Variants in RNF121 observed in about 807,000 individuals in gnomAD.
RNF121 encodes the protein ring finger protein 121.
Under a neutral mutation model 46.5 loss-of-function variants are expected in RNF121, and 21 were observed. That is an observed-to-expected ratio of 0.45 (90% CI 0.32 to 0.65). RNF121 has a LOEUF of 0.65. Ranked by LOEUF, RNF121 falls within the 30% of genes least tolerant of loss-of-function variation. RNF121 has a pLI of 0.04. For synonymous variants in RNF121, 139 were observed against 144.7 expected (o/e 0.96, Z 0.28); for missense variants, 346 against 416.0 (o/e 0.83, Z 1.46).
chr11:71,969,093 G>A (rs1954361108), intron 3 of RNF121, among the ~76,000 whole-genome samples: 1 of 151,834 alleles, frequency 6.6e-6, no homozygotes. Context: ...CACCATGTTG[G>A]TCAGGCTGGT....
At chr11:71,992,052 C>T (rs1048258019) in intron 6 of RNF121, among the ~76,000 whole-genome samples, 8 of 152,070 alleles carry the variant, frequency 5.3e-5, no homozygotes, top group African/African-American at 1.7e-4. Flanking sequence ...TTGCAGTGAG[C>T]TTGTTCATGC....
At chr11:71,979,095 T>G in intron 3 of RNF121, among the ~76,000 whole-genome samples, 1 of 152,216 alleles carries the variant, frequency 6.6e-6, no homozygotes, top group East Asian at 1.9e-4. Context: ...CTGTACTCCT[T>G]TTCCCATTAA....
intron 1 of RNF121, among the ~76,000 whole-genome samples, chr11:71,949,828 C>T (rs1953822122): frequency 6.6e-6 from 1 of 151,496 alleles, no homozygotes; most frequent in African/African-American, 2.4e-5. Flanking sequence ...AACCCTGTCT[C>T]TACTGAAAAA....
chr11:71,955,956 C>T (rs1477996526), intron 1 of RNF121, among the ~76,000 whole-genome samples: 1 of 152,110 alleles, frequency 6.6e-6, no homozygotes, highest in Non-Finnish European at 1.5e-5. Flanking sequence ...AGGCAAAGTC[C>T]TGGTAAATTT....
rs779801989 is a variant in RNF121, at chr11:71,964,540, G to A, written c.243+3649G>A. 2.6e-5 allele frequency among the ~76,000 whole-genome samples: 4 copies of A among 152,026 alleles called. No individual in the cohort carries two copies. The Middle Eastern group carries it at 0.01, about 388-fold the overall frequency. ...CTGGAATGCAGTGGTGCAGTATGGC[G>A]ATTTCGGCTCACTGCAGCCTCTACT... On this transcript the variant is annotated intron_variant, in intron 3 of 8. Transcript: ENST00000361756.
At chr11:71,967,557 C>T (rs1009548524) in intron 3 of RNF121, among the ~76,000 whole-genome samples, 4 of 151,870 alleles carry the variant, frequency 2.6e-5, no homozygotes. Context: ...GTACAAAATA[C>T]AATAGTATTT....
At chr11:71,932,979 C>T (rs1435755778) in intron 1 of RNF121, among the ~76,000 whole-genome samples, 1 of 152,192 alleles carries the variant, frequency 6.6e-6, no homozygotes, top group East Asian at 1.9e-4. Flanking sequence ...AGGTATTAAA[C>T]TGGCCATGAT....
chr11:71,971,821 C>CT (rs575436982), intron 3 of RNF121, among the ~76,000 whole-genome samples: 21 of 152,310 alleles, frequency 1.4e-4, no homozygotes, highest in African/African-American at 4.8e-4. Context: ...CTTTCTTGTA[C>CT]TTTTTTGTGG....
intron 1 of RNF121, among the ~76,000 whole-genome samples, chr11:71,942,501 G>A (rs1953598052): frequency 6.6e-6 from 1 of 151,952 alleles, no homozygotes; most frequent in East Asian, 1.9e-4. Flanking sequence ...AGTGGCTCAC[G>A]CCTGTAATCC....
intron 5 of RNF121, among the ~76,000 whole-genome samples, chr11:71,988,530 G>A (rs182985968): frequency 2.5e-3 from 373 of 152,084 alleles, no homozygotes; most frequent in Middle Eastern, 0.01. Context: ...CTGGCCAGGT[G>A]TGGTGGCTCT....
intron 3 of RNF121, among the ~76,000 whole-genome samples, chr11:71,968,710 A>T (rs1954347522): frequency 6.6e-6 from 1 of 152,148 alleles, no homozygotes; most frequent in African/African-American, 2.4e-5. Context: ...GATCCTTTCT[A>T]GTCCCACGCT....
At position 71,997,014 on chromosome 11, in the gene RNF121, C is replaced by T. The variant is rs901793045; in HGVS notation, c.*699C>T. The T allele has an allele frequency of 1.3e-5, 2 of 152,256 alleles. No individual in the cohort carries two copies. Among genetic ancestry groups the T allele is most frequent in the Non-Finnish European group, 2.9e-5 (2 of 68,074 alleles). 9.4% of individuals were successfully genotyped at this position (152,256 alleles called of 1,614,324 possible). On this transcript the variant is annotated 3_prime_UTR_variant, in exon 9 of 9. Transcript: ENST00000361756. ...AGAATCAGCACCATGGATACTCGCCCGTGGGCAGGGCTGTGGTCAGCCAAG... is the reference window on the plus strand; with the variant it reads ...AGAATCAGCACCATGGATACTCGCCTGTGGGCAGGGCTGTGGTCAGCCAAG...
intron 5 of RNF121, among the ~76,000 whole-genome samples, chr11:71,988,625 GA>G (rs1954810866): frequency 1.4e-5 from 2 of 142,754 alleles, no homozygotes; most frequent in African/African-American, 5.2e-5. Context: ...GCAACATAGT[GA>G]GACTCTCAAC....
intron 1 of RNF121, among the ~76,000 whole-genome samples, chr11:71,935,550 G>A (rs953106234): frequency 6.6e-6 from 1 of 152,198 alleles, no homozygotes; most frequent in African/African-American, 2.4e-5. Context: ...CCACCAGACT[G>A]TGTTCTCCTC....
At chr11:71,964,428 G>A (rs1265222829) in intron 3 of RNF121, among the ~76,000 whole-genome samples, 1 of 38,930 alleles carries the variant, frequency 2.6e-5, no homozygotes, top group African/African-American at 1.1e-4. Context: ...TATAAGATTG[G>A]TCATCTGAGA....
chr11:71,967,847 A>G (rs1415692168), intron 3 of RNF121, among the ~76,000 whole-genome samples: 2 of 152,152 alleles, frequency 1.3e-5, no homozygotes, highest in Non-Finnish European at 2.9e-5. Context: ...TATTCACAAG[A>G]TGTATTATTC....
At chr11:71,991,414 A>C (rs966340363) in intron 6 of RNF121, among the ~76,000 whole-genome samples, 4 of 152,236 alleles carry the variant, frequency 2.6e-5, no homozygotes, top group African/African-American at 9.6e-5. Flanking sequence ...GTACAAAAAT[A>C]AACATGGTTT....
At chr11:71,995,409 C>T (rs76950159) in intron 7 of RNF121, 41 bp from the exon 8 acceptor site, 49,607 of 1,504,752 alleles carry the variant, frequency 0.033, 885 homozygotes, top group East Asian at 0.066. Flanking sequence ...GCTGGAGTGC[C>T]GCCCTGGCTC....
chr11:71,991,383 A>G (rs534810067), intron 6 of RNF121, among the ~76,000 whole-genome samples: 2 of 152,334 alleles, frequency 1.3e-5, no homozygotes, highest in African/African-American at 4.8e-5. Flanking sequence ...ACACATAGCT[A>G]TATGCCAGAA....
Sources: allele counts gnomAD v4.1 joint callset (sites outside exome capture counted in the v4.1 genomes callset), GRCh38; gene constraint gnomAD v4.1.1; transcripts MANE v1.5; gene names NCBI Gene and HGNC (gene_info 2026-07-23, HGNC 2026-07-21).